The following CD84 variants were observed in gnomAD, a reference collection of about 807,000 sequenced individuals.
The protein encoded by CD84 is CD84 molecule, also known as SLAM family member 5.
Under a neutral mutation model 33.8 loss-of-function variants are expected in CD84, and 22 were observed. The ratio of observed to expected loss-of-function variants is 0.65; its 90% CI spans 0.46 to 0.93. CD84 has a LOEUF of 0.93. Among genes scored for constraint, CD84 ranks in the 40% least tolerant of loss-of-function variants. The probability of loss-of-function intolerance (pLI) is 0.00; values close to 1 mark genes in which losing one functional copy is unlikely to be tolerated. For synonymous variants in CD84, 154 were observed against 145.2 expected (o/e 1.06, Z -0.44); for missense variants, 400 against 397.6 (o/e 1.01, Z -0.05).
chr1:160,569,572 C>A (rs1373468939), intron 1 of CD84, among the ~76,000 whole-genome samples: 3 of 151,784 alleles, frequency 2.0e-5, no homozygotes, highest in Non-Finnish European at 4.4e-5. Flanking sequence ...ACACACAATT[C>A]TCCTTTGCAA....
At position 160,558,972 on chromosome 1, in the gene CD84, T is replaced by C. The variant is rs566865565; in HGVS notation, c.389-4826A>G. The stretch of plus-strand genomic sequence containing the variant: ...GAATGAATGAAACCTCCAAGACATA[T>C]GGAGTTATGTATAGAGACCAAACCT... On this transcript the variant is annotated intron_variant, in intron 2 of 6. Transcript: ENST00000368054. Among the ~76,000 whole-genome samples, 6 of 152,136 alleles carry C rather than the reference T, an allele frequency of 3.9e-5. No homozygotes were observed. In the East Asian group the frequency reaches 1.2e-3, roughly 29 times the overall value.
At chr1:160,561,607 C>A (rs74556387) in intron 2 of CD84, among the ~76,000 whole-genome samples, 1 of 152,244 alleles carries the variant, frequency 6.6e-6, no homozygotes, top group African/African-American at 2.4e-5. Context: ...CAGCACAGGA[C>A]AAGAATGCCC....
At chr1:160,556,901 C>A (rs1312660937) in intron 2 of CD84, among the ~76,000 whole-genome samples, 2 of 152,164 alleles carry the variant, frequency 1.3e-5, no homozygotes, top group African/African-American at 2.4e-5. Context: ...ATTTTCTCAG[C>A]TAAAGTTCTC....
At chr1:160,568,900 T>A (rs1243888575) in intron 1 of CD84, among the ~76,000 whole-genome samples, 1 of 152,146 alleles carries the variant, frequency 6.6e-6, no homozygotes, top group Non-Finnish European at 1.5e-5. Flanking sequence ...GGATTACAGG[T>A]CACAAAACCT....
In CD84 at chr1:160,544,688, C is replaced by G. The variant is rs1298962328; in HGVS notation, c.*3568G>C. On this transcript the variant is annotated 3_prime_UTR_variant, in exon 7 of 7. Transcript: ENST00000368054. ...CAAGCTGGCCCAACCAGGCTATTCCCTCATAGCCTGTGTAGTTTACAGTGT... is the reference window on the plus strand; with the variant it reads ...CAAGCTGGCCCAACCAGGCTATTCCGTCATAGCCTGTGTAGTTTACAGTGT... 2 of 152,272 alleles carry G rather than the reference C, an allele frequency of 1.3e-5. No homozygotes were observed. The highest frequency in any genetic ancestry group is 3.9e-4 in the East Asian group (2 of 5,170). 9.4% of individuals were successfully genotyped at this position (152,272 alleles called of 1,614,324 possible).
In CD84 at chr1:160,550,957, T is replaced by C; in HGVS notation, c.839A>G (p.Asp280Gly). 1 of 1,614,076 alleles carries C rather than the reference T, an allele frequency of 6.2e-7. No homozygotes were observed. The highest frequency in any genetic ancestry group is 8.5e-7 in the Non-Finnish European group (1 of 1,179,914). ...GCTCACCTTGGACTGCAGGATTTCA[T>C]CATAGATTCTGGACTCTGCTGGCTG... ...NTQPAESRIY[D>G]EILQSKVLPS... The change falls in exon 5 of 7, where the codon GAT becomes GGT. Residue 280 changes from aspartate (D) to glycine (G), a missense_variant. Physicochemically the swap from Asp to Gly is moderately conservative, Grantham distance 94 (BLOSUM62 -1). Transcript: ENST00000368054.
At chr1:160,569,234 T>A (rs1023068077) in intron 1 of CD84, among the ~76,000 whole-genome samples, 16 of 152,200 alleles carry the variant, frequency 1.1e-4, no homozygotes, top group African/African-American at 3.1e-4. Flanking sequence ...GAGGGACAGT[T>A]TCAGGTACCC....
At position 160,565,686 on chromosome 1, in the gene CD84, ACT is replaced by A; in HGVS notation, c.104_105del (p.Glu35ValfsTer15). The A allele has an allele frequency of 1.2e-6, 2 of 1,613,116 alleles. No homozygotes were observed. The highest frequency in any genetic ancestry group is 1.7e-6 in the Non-Finnish European group (2 of 1,179,672). On this transcript the variant is annotated frameshift_variant, in exon 2 of 7. Coordinates refer to ENST00000368054, the MANE Select transcript of CD84 (RefSeq NM_003874.4). LOFTEE classifies it high-confidence loss of function. ...TGGATATTTACAGGGAAAGTGACTG[ACT>A]CTCCCAGAATCCCATTCACTGTGAA... Reference protein sequence around the residue: ...EIFTVNGILGESVTFPVNIQE... With the variant: ...EIFTVNGILGXSVTFPVNIQE...
At chr1:160,571,382 A>G (rs1657681195) in intron 1 of CD84, 1 of 152,130 alleles carries the variant, frequency 6.6e-6, no homozygotes, top group African/African-American at 2.4e-5. Flanking sequence ...GAGGAGAAAG[A>G]GTCTCAAGGA....
intron 1 of CD84, chr1:160,571,221 G>C (rs1192457865): frequency 1.3e-5 from 2 of 152,130 alleles, no homozygotes; most frequent in Admixed American, 6.5e-5. Context: ...GGGTGAAGGA[G>C]AGGAGGGTCA....
rs1234073123 is a variant in CD84, at chr1:160,543,124, T to C, written c.*5132A>G. The C allele has an allele frequency of 6.6e-6, 1 of 152,208 alleles. No homozygotes were observed. Among genetic ancestry groups the C allele is most frequent in the Non-Finnish European group, 1.5e-5 (1 of 68,036 alleles). 9.4% of individuals were successfully genotyped at this position (152,208 alleles called of 1,614,324 possible). The stretch of plus-strand genomic sequence containing the variant: ...CAACCTTCTTTAATTAAATGGGCAT[T>C]TTCAGCAGGAAAGTTGAGTGGTTAT... On this transcript the variant is annotated 3_prime_UTR_variant, in exon 7 of 7. Coordinates refer to ENST00000368054, the MANE Select transcript of CD84 (RefSeq NM_003874.4).
chr1:160,542,461 T>C lies in CD84; in HGVS notation c.*5795A>G, dbSNP rs1258744419. ...TAAACTTGAGGTGACTTCTGACATC[T>C]ATGCAGAGATGACCCATAAACTATT... On this transcript the variant is annotated 3_prime_UTR_variant, in exon 7 of 7. Transcript: ENST00000368054. 1 of 152,226 alleles carries C rather than the reference T, an allele frequency of 6.6e-6. No homozygotes were observed. Among genetic ancestry groups the C allele is most frequent in the Non-Finnish European group, 1.5e-5 (1 of 68,052 alleles). The allele number at this position is 152,226 out of a possible 1,614,324, so 9.4% of individuals were successfully genotyped here.
chr1:160,552,655 C>T (rs1279149339), intron 4 of CD84: 3 of 1,321,378 alleles, frequency 2.3e-6, no homozygotes, highest in Admixed American at 2.0e-5. Flanking sequence ...GTTGGGAACT[C>T]CCCATCCCTC....
At chr1:160,554,238 G>A in intron 2 of CD84, 92 bp from the exon 3 acceptor site, 3 of 1,248,906 alleles carry the variant, frequency 2.4e-6, no homozygotes, top group Non-Finnish European at 2.1e-6. Flanking sequence ...AAATTTGCAA[G>A]CCATCATTAA....
chr1:160,541,881 G>A lies in CD84; in HGVS notation c.*6375C>T, dbSNP rs1399960975. ...CCCAGGTAACACGTGATAAAGCAAT[G>A]ATCTGAGGGAGTGAGCATGTAGAGG... On this transcript the variant is annotated 3_prime_UTR_variant, in exon 7 of 7. Coordinates refer to ENST00000368054, the MANE Select transcript of CD84 (RefSeq NM_003874.4). 1.3e-5 allele frequency: 2 copies of A among 152,204 alleles called. No individual in the cohort carries two copies. Among genetic ancestry groups the A allele is most frequent in the African/African-American group, 4.8e-5 (2 of 41,430 alleles). The allele number at this position is 152,204 out of a possible 1,614,324, so 9.4% of individuals were successfully genotyped here.
In CD84 at chr1:160,554,021, C is replaced by T. The variant is rs1316238351; in HGVS notation, c.514G>A (p.Gly172Arg). The change falls in exon 3 of 7, where the codon GGA (glycine) becomes AGA (arginine). Residue 172 changes from glycine to arginine, a missense_variant. Coordinates refer to ENST00000368054, the MANE Select transcript of CD84 (RefSeq NM_003874.4). ...KNVTYNWSPL[G>R]EEGNVLQIFQ... is the part of the protein sequence containing the mutation. Reference sequence around the variant, plus strand: ...ATTTGAAGGACATTACCCTCTTCTCCCAGGGGACTCCAATTGTATGTCACA... The same window carrying T: ...ATTTGAAGGACATTACCCTCTTCTCTCAGGGGACTCCAATTGTATGTCACA... 8.7e-6 allele frequency: 14 copies of T among 1,614,058 alleles called. No individual in the cohort carries two copies. Among genetic ancestry groups the T allele is most frequent in the Non-Finnish European group, 1.1e-5 (13 of 1,180,028 alleles).
chr1:160,556,735 G>A (rs77446412), intron 2 of CD84, among the ~76,000 whole-genome samples: 10,503 of 152,138 alleles, frequency 0.069, 564 homozygotes, highest in African/African-American at 0.15. Context: ...TACCCATAAG[G>A]TACAGATTTT....
intron 1 of CD84, among the ~76,000 whole-genome samples, chr1:160,572,787 G>A (rs1657771183): frequency 2.0e-5 from 3 of 152,192 alleles, no homozygotes; most frequent in Admixed American, 2.0e-4. Context: ...TAGAGGAGAA[G>A]CAAAGGCAAG....
intron 1 of CD84, among the ~76,000 whole-genome samples, chr1:160,569,095 C>T (rs56666864): frequency 0.05 from 7,568 of 152,260 alleles, 640 homozygotes; most frequent in African/African-American, 0.17. Context: ...TCTTTATCAT[C>T]ACTTCAACAA....
Sources: gnomAD v4.1 joint callset for allele counts (sites outside exome capture counted in the v4.1 genomes callset) on GRCh38, gnomAD v4.1.1 for gene constraint, MANE v1.5 for transcripts, NCBI Gene and HGNC (gene_info 2026-07-23, HGNC 2026-07-21) for gene names.